Variants in AIG1 observed in about 807,000 individuals in gnomAD.
AIG1 encodes the protein androgen induced 1, also known as androgen-induced gene 1 protein.
Under a neutral mutation model 31.4 loss-of-function variants are expected in AIG1, and 23 were observed. The observed-to-expected ratio is 0.73, with a 90% CI of 0.53 to 1.04. The LOEUF (loss-of-function observed/expected upper bound fraction) is 1.04. AIG1 is among the 50% of genes least tolerant of loss of function. The probability of loss-of-function intolerance (pLI) is 0.00; values close to 1 mark genes in which losing one functional copy is unlikely to be tolerated. For synonymous variants in AIG1, 100 were observed against 110.5 expected (o/e 0.90, Z 0.60); for missense variants, 274 against 295.0 (o/e 0.93, Z 0.52).
intron 1 of AIG1, among the ~76,000 whole-genome samples, chr6:143,105,679 G>T (rs1351627547): frequency 6.6e-6 from 1 of 152,220 alleles, no homozygotes; most frequent in Non-Finnish European, 1.5e-5. Flanking sequence ...TTGTCTTTTG[G>T]ACACTTTTGA....
intron 5 of AIG1, chr6:143,335,157 T>G: frequency 7.4e-7 from 1 of 1,353,426 alleles, no homozygotes; most frequent in Non-Finnish European, 9.5e-7. Flanking sequence ...GGTCACAAAC[T>G]GCTGGCCTCC....
chr6:143,309,118 G>A (rs79179420), intron 4 of AIG1, among the ~76,000 whole-genome samples: 6,267 of 151,938 alleles, frequency 0.041, 417 homozygotes, highest in African/African-American at 0.14. Flanking sequence ...GAGGGGAATG[G>A]AGTAAAATAT....
Position 143,288,898 on chromosome 6 carries a change from C to CAT in AIG1, c.515+4675_515+4676dup, listed in dbSNP as rs1043960260. ...AAAGAAGTAGTGGGTGGTTACAAGT[C>CAT]ATAGGTGAATTCAAAGATTTCTGTG... On this transcript the variant is annotated intron_variant, in intron 4 of 5. Transcript: ENST00000357847. The surrounding 1 kb of genome is among the most constrained non-coding windows in gnomAD (Gnocchi z 4.4). Among the ~76,000 whole-genome samples the CAT allele has an allele frequency of 1.8e-4, 28 of 152,140 alleles. No individual in the cohort carries two copies. The highest frequency in any genetic ancestry group is 3.2e-4 in the Non-Finnish European group (22 of 68,028).
intron 2 of AIG1, among the ~76,000 whole-genome samples, chr6:143,139,398 C>T (rs1259522307): frequency 1.3e-5 from 2 of 151,672 alleles, no homozygotes; most frequent in Non-Finnish European, 2.9e-5. Context: ...GTCCTCATCA[C>T]TGCGCCAGGG....
intron 1 of AIG1, among the ~76,000 whole-genome samples, chr6:143,082,621 A>G (rs923162550): frequency 6.6e-6 from 1 of 152,212 alleles, no homozygotes; most frequent in Non-Finnish European, 1.5e-5. Flanking sequence ...TAACTGCTTT[A>G]GATACTAAGA....
intron 3 of AIG1, among the ~76,000 whole-genome samples, chr6:143,179,938 A>G (rs951617724): frequency 6.6e-6 from 1 of 152,264 alleles, no homozygotes; most frequent in African/African-American, 2.4e-5. Flanking sequence ...CTTGCAGCAC[A>G]TGACAAACAT....
chr6:143,323,721 G>A (rs892310112), intron 4 of AIG1, among the ~76,000 whole-genome samples: 1 of 152,072 alleles, frequency 6.6e-6, no homozygotes, highest in African/African-American at 2.4e-5. Context: ...CACACACACT[G>A]TGAGCCCCTC....
chr6:143,300,191 C>T (rs1413555087), intron 4 of AIG1, among the ~76,000 whole-genome samples: 1 of 152,192 alleles, frequency 6.6e-6, no homozygotes, highest in Non-Finnish European at 1.5e-5. Context: ...GACCAATGAG[C>T]ATGTCACTCC....
Position 143,317,352 on chromosome 6 carries a change from T to TAC in AIG1, c.516-15926_516-15925dup, listed in dbSNP as rs540647817. 5.3e-5 allele frequency among the ~76,000 whole-genome samples: 8 copies of TAC among 152,268 alleles called. No individual in the cohort carries two copies. In the South Asian group the frequency reaches 1.7e-3, roughly 32 times the overall value. On this transcript the variant is annotated intron_variant, in intron 4 of 5. Coordinates refer to ENST00000357847, the MANE Select transcript of AIG1 (RefSeq NM_016108.4). ...CCAGAGATGCAGGGATGGTTTAACA[T>TAC]ACACATATCAGTAAATGTGGTACCC... is the stretch of plus-strand genomic sequence containing the variant.
chr6:143,263,910 GT>G (rs1267752311), intron 3 of AIG1, among the ~76,000 whole-genome samples: 1 of 152,134 alleles, frequency 6.6e-6, no homozygotes, highest in Non-Finnish European at 1.5e-5. Flanking sequence ...TTTATCTTGT[GT>G]TTATTTCTTT....
Position 143,333,983 on chromosome 6 carries a change from G to T in AIG1, c.679+538G>T, listed in dbSNP as rs1777287695. The stretch of plus-strand genomic sequence containing the variant: ...GGCTGTCACGGAAAGTCTGAAAGTG[G>T]CAAAGAGCTACAAGCAGTAAAAGAT... On this transcript the variant is annotated intron_variant, in intron 5 of 5. Transcript: ENST00000357847. The surrounding 1 kb of genome is among the most constrained non-coding windows in gnomAD (Gnocchi z 4.6). 1 of 1,376,250 alleles carries T rather than the reference G, an allele frequency of 7.3e-7. No individual in the cohort carries two copies. The highest frequency in any genetic ancestry group is 1.0e-6 in the Non-Finnish European group (1 of 997,578). 85.3% of individuals were successfully genotyped at this position (1,376,250 alleles called of 1,614,324 possible).
In AIG1 at chr6:143,339,813, T is replaced by C; in HGVS notation, c.*137T>C. 1 of 708,992 alleles carries C rather than the reference T, an allele frequency of 1.4e-6. No individual in the cohort carries two copies. Among genetic ancestry groups the C allele is most frequent in the South Asian group, 2.0e-5 (1 of 50,924 alleles). The allele number at this position is 708,992 out of a possible 1,614,324, so 43.9% of individuals were successfully genotyped here. ...CCCCCTCCCCCAATGAGGACACCTTTTATATATAAATATGTATAAACATAG... is the reference window on the plus strand; with the variant it reads ...CCCCCTCCCCCAATGAGGACACCTTCTATATATAAATATGTATAAACATAG... On this transcript the variant is annotated 3_prime_UTR_variant, in exon 6 of 6. Coordinates refer to ENST00000357847, the MANE Select transcript of AIG1 (RefSeq NM_016108.4).
At chr6:143,091,079 C>T (rs770284823) in intron 1 of AIG1, among the ~76,000 whole-genome samples, 4 of 152,162 alleles carry the variant, frequency 2.6e-5, no homozygotes, top group Non-Finnish European at 4.4e-5. Flanking sequence ...TTTCTTTGCT[C>T]GTCTATAAGA....
chr6:143,293,279 C>T lies in AIG1; in HGVS notation c.515+9054C>T, dbSNP rs1270139066. 2.6e-5 allele frequency among the ~76,000 whole-genome samples: 4 copies of T among 152,162 alleles called. No homozygotes were observed. The highest frequency in any genetic ancestry group is 4.4e-5 in the Non-Finnish European group (3 of 68,036). ...TCATACGGGCTTTGGTCCTACTTTA[C>T]AGCATGTGTGGCTCTTCATAACCTA... On this transcript the variant is annotated intron_variant, in intron 4 of 5. Transcript: ENST00000357847. The surrounding 1 kb of genome is among the most constrained non-coding windows in gnomAD (Gnocchi z 4.8).
intron 3 of AIG1, among the ~76,000 whole-genome samples, chr6:143,211,307 G>A (rs1791570325): frequency 1.3e-5 from 2 of 152,098 alleles, no homozygotes; most frequent in South Asian, 4.1e-4. Flanking sequence ...CGTTTGCTGT[G>A]GGAGATTTAT....
intron 3 of AIG1, among the ~76,000 whole-genome samples, chr6:143,274,049 A>G (rs553816591): frequency 1.3e-5 from 2 of 152,122 alleles, no homozygotes; most frequent in Non-Finnish European, 2.9e-5. Context: ...TGTGGGATTT[A>G]CCCTCTGACA....
intron 1 of AIG1, among the ~76,000 whole-genome samples, chr6:143,075,364 C>A (rs560366132): frequency 6.6e-6 from 1 of 152,152 alleles, no homozygotes; most frequent in Non-Finnish European, 1.5e-5. Flanking sequence ...GTCACCCAGG[C>A]TGGAGTGCAG....
chr6:143,315,148 C>G (rs1447951323), intron 4 of AIG1, among the ~76,000 whole-genome samples: 1 of 151,898 alleles, frequency 6.6e-6, no homozygotes, highest in Non-Finnish European at 1.5e-5. Flanking sequence ...AGTTGATATA[C>G]TAAAGCAATG....
chr6:143,248,195 T>A (rs549056067), intron 3 of AIG1, among the ~76,000 whole-genome samples: 4 of 152,050 alleles, frequency 2.6e-5, no homozygotes, highest in Non-Finnish European at 5.9e-5. Flanking sequence ...AACAGAAAAC[T>A]CCTACCAGTA....
Sources: gnomAD v4.1 joint callset for allele counts (sites outside exome capture counted in the v4.1 genomes callset) on GRCh38, gnomAD v4.1.1 for gene constraint, Gnocchi (gnomAD v3.1) non-coding constraint, MANE v1.5 for transcripts, NCBI Gene and HGNC (gene_info 2026-07-23, HGNC 2026-07-21) for gene names.